Variants in LPO observed in about 807,000 individuals in gnomAD.
The protein encoded by LPO is salivary peroxidase.
In LPO, 70 loss-of-function variants were observed where a neutral mutation model predicts 68.4. That is an observed-to-expected ratio of 1.02 (90% CI 0.84 to 1.25). The LOEUF (loss-of-function observed/expected upper bound fraction) is 1.25, where lower values mean the gene tolerates loss of function less well. LPO is among the 50% of genes most tolerant of loss of function. The pLI, the probability that LPO is intolerant of heterozygous loss-of-function variation, is 0.00. For missense variants in LPO, 873 were observed against 908.4 expected, an observed-to-expected ratio of 0.96 and a Z score of 0.50; for synonymous variants, 360 against 357.6, an observed-to-expected ratio of 1.01 and a Z score of -0.08.
Position 58,267,809 on chromosome 17 carries a change from G to T in LPO, c.1954G>T (p.Val652Phe). Residue 652 changes from valine (V) to phenylalanine (F), a missense_variant, in exon 13 of 13, where the codon GTC (valine) becomes TTC (phenylalanine). Coordinates refer to ENST00000262290, the MANE Select transcript of LPO (RefSeq NM_006151.3). ...GDRFWWENPG[V>F]FTNEQKDSLQ... ...CAGGTTCTGGTGGGAAAACCCTGGGGTCTTCACGAACGAGCAGAAGGACTC... is the reference window on the plus strand; with the variant it reads ...CAGGTTCTGGTGGGAAAACCCTGGGTTCTTCACGAACGAGCAGAAGGACTC... The T allele has an allele frequency of 6.2e-7, 1 of 1,614,154 alleles. No homozygotes were observed.
At chr17:58,254,576 T>C in intron 8 of LPO, 1 of 414,556 alleles carries the variant, frequency 2.4e-6, no homozygotes, top group Non-Finnish European at 4.3e-6. Flanking sequence ...GGCTCAGAAG[T>C]GTTAAGTAAC....
chr17:58,266,169 G>C lies in LPO; in HGVS notation c.1536G>C (p.Leu512=), dbSNP rs755619970. The change falls in exon 11 of 13, where the codon CTG becomes CTC. Residue 512 remains leucine (L), a synonymous_variant. Coordinates refer to ENST00000262290, the MANE Select transcript of LPO (RefSeq NM_006151.3). The stretch of plus-strand genomic sequence containing the variant: ...CCTTGGCAGGTGGAATTGATCCTCT[G>C]GTGCGGGGCCTGCTGGCCAAGAAAT... ...RMVKDGGIDP[L]VRGLLAKKSK... is the part of the protein sequence containing the mutation. 5.0e-6 allele frequency: 8 copies of C among 1,614,036 alleles called. No homozygotes were observed. Among genetic ancestry groups the C allele is most frequent in the Non-Finnish European group, 5.9e-6 (7 of 1,179,984 alleles).
intron 3 of LPO, among the ~76,000 whole-genome samples, chr17:58,245,410 A>T (rs911798724): frequency 2.1e-4 from 32 of 152,118 alleles, no homozygotes; most frequent in Non-Finnish European, 3.8e-4. Context: ...TTTCAGAGAG[A>T]GATTCTGCTG....
intron 9 of LPO, among the ~76,000 whole-genome samples, chr17:58,258,770 A>C (rs1233030417): frequency 6.6e-6 from 1 of 152,126 alleles, no homozygotes; most frequent in East Asian, 1.9e-4. Flanking sequence ...ATCCTTTCTG[A>C]TAGGTGTGTA....
At chr17:58,262,831 G>C (rs1970199121) in intron 9 of LPO, among the ~76,000 whole-genome samples, 1 of 152,150 alleles carries the variant, frequency 6.6e-6, no homozygotes, top group Non-Finnish European at 1.5e-5. Context: ...TCCTGTTTGG[G>C]ATTCATTCAT....
At chr17:58,241,502 A>G (rs1047319075) in intron 1 of LPO, among the ~76,000 whole-genome samples, 4 of 152,190 alleles carry the variant, frequency 2.6e-5, no homozygotes, top group African/African-American at 4.8e-5. Flanking sequence ...GATTTCTGCT[A>G]ACTCAATGAA....
chr17:58,250,819 C>T (rs964667808), intron 7 of LPO, 198 bp downstream of exon 7: 3 of 599,810 alleles, frequency 5.0e-6, no homozygotes, highest in African/African-American at 3.7e-5. Context: ...AGGCAGTGCA[C>T]TAAGCGCTGA....
intron 1 of LPO, among the ~76,000 whole-genome samples, chr17:58,242,419 G>A (rs945495338): frequency 6.6e-6 from 1 of 152,212 alleles, no homozygotes; most frequent in African/African-American, 2.4e-5. Context: ...TTTCCGAAGG[G>A]AGGCGCTGAG....
intron 1 of LPO, 146 bp from the exon 2 acceptor site, chr17:58,242,832 T>C: frequency 1.5e-6 from 1 of 658,834 alleles, no homozygotes. Context: ...GTATGGTAGA[T>C]GCTTCATTCG....
chr17:58,240,733 C>T (rs1468909178), intron 1 of LPO, among the ~76,000 whole-genome samples: 3 of 152,148 alleles, frequency 2.0e-5, no homozygotes, highest in Non-Finnish European at 4.4e-5. Flanking sequence ...AATTTCTCAA[C>T]TTTCATGTCT....
intron 9 of LPO, among the ~76,000 whole-genome samples, chr17:58,257,257 C>A (rs1273418463): frequency 6.6e-6 from 1 of 152,024 alleles, no homozygotes; most frequent in Non-Finnish European, 1.5e-5. Context: ...TTGGTACCCA[C>A]CAACCATCTC....
At chr17:58,253,045 A>AAAAAAAAG (rs1969993727) in intron 8 of LPO, among the ~76,000 whole-genome samples, 1 of 145,644 alleles carries the variant, frequency 6.9e-6, no homozygotes, top group African/African-American at 2.5e-5. Context: ...AAAAAAAAAA[A>AAAAAAAAG]AAAGAAAGAA....
rs1352534911 is a variant in LPO, at chr17:58,254,957, G to A, written c.1252G>A (p.Gly418Arg). 2 of 1,613,820 alleles carry A rather than the reference G, an allele frequency of 1.2e-6. No individual in the cohort carries two copies. The highest frequency in any genetic ancestry group is 1.7e-5 in the Admixed American group (1 of 59,990). Reference protein sequence around the residue: ...KLYQEARKILGAFVQIITFRD... With the variant: ...KLYQEARKILRAFVQIITFRD... ...CTACCAGGAAGCCCGGAAAATCCTG[G>A]GAGCCTTCGTGCAGGTAGGGAGTCC... The change falls in exon 9 of 13, where the codon GGA becomes AGA. Residue 418 changes from glycine (G) to arginine (R), a missense_variant. Coordinates refer to ENST00000262290, the MANE Select transcript of LPO (RefSeq NM_006151.3).
Position 58,267,509 on chromosome 17 carries a change from G to C in LPO, c.1854G>C (p.Leu618=). 6.2e-7 allele frequency: 1 copy of C among 1,614,226 alleles called. No individual in the cohort carries two copies. Among genetic ancestry groups the C allele is most frequent in the Non-Finnish European group, 8.5e-7 (1 of 1,180,040 alleles). ...DIWIGAIAEP[L]VERGRVGPLL... is the part of the protein sequence containing the mutation. ...GGATAGGGGCCATTGCTGAGCCGCTGGTGGAAAGGGGTCGGGTGGGGCCTC... is the reference window on the plus strand; with the variant it reads ...GGATAGGGGCCATTGCTGAGCCGCTCGTGGAAAGGGGTCGGGTGGGGCCTC... The change falls in exon 12 of 13, where the codon CTG becomes CTC. Residue 618 remains leucine, a synonymous_variant. Transcript: ENST00000262290.
chr17:58,268,118 T>G lies in LPO; in HGVS notation c.*124T>G. 1.0e-6 allele frequency: 1 copy of G among 969,244 alleles called. No homozygotes were observed. Among genetic ancestry groups the G allele is most frequent in the Non-Finnish European group, 1.5e-6 (1 of 658,286 alleles). The allele number at this position is 969,244 out of a possible 1,614,324, so 60.0% of individuals were successfully genotyped here. On this transcript the variant is annotated 3_prime_UTR_variant, in exon 13 of 13. Transcript: ENST00000262290. ...CCTTCTTTGCAGCTGGGCCTCTCTATACCCCTGGATGAACAGCTTGCTCAG... is the reference window on the plus strand; with the variant it reads ...CCTTCTTTGCAGCTGGGCCTCTCTAGACCCCTGGATGAACAGCTTGCTCAG...
Position 58,249,149 on chromosome 17 carries a change from C to T in LPO, c.415C>T (p.Arg139Cys), listed in dbSNP as rs1352769519. 6.2e-7 allele frequency: 1 copy of T among 1,614,182 alleles called. No individual in the cohort carries two copies. The highest frequency in any genetic ancestry group is 2.2e-5 in the East Asian group (1 of 44,884). The change falls in exon 5 of 13, where the codon CGC becomes TGC. Residue 139 changes from arginine to cysteine, a missense_variant. By Grantham distance (180) the Arg-to-Cys change is radical (BLOSUM62 -3). Transcript: ENST00000262290. Reference sequence around the variant, plus strand: ...GAGATGCGACCCGTGCAGCCCTTACCGCACCATTACGGGAGACTGCAATAA... The same window carrying T: ...GAGATGCGACCCGTGCAGCCCTTACTGCACCATTACGGGAGACTGCAATAA... ...VVRCDPCSPY[R>C]TITGDCNNRR...
intron 1 of LPO, among the ~76,000 whole-genome samples, chr17:58,241,130 T>TC (rs1567815195): frequency 8.3e-6 from 1 of 120,954 alleles, no homozygotes; most frequent in African/African-American, 3.6e-5. Context: ...TTTTTCTTTT[T>TC]TTTTTTTTTT....
chr17:58,255,807 C>G (rs1970059518), intron 9 of LPO, among the ~76,000 whole-genome samples: 1 of 152,140 alleles, frequency 6.6e-6, no homozygotes, highest in Non-Finnish European at 1.5e-5. Context: ...CTGGCAAAAC[C>G]AGGAAGTTAA....
intron 1 of LPO, among the ~76,000 whole-genome samples, chr17:58,240,677 A>G (rs1969738200): frequency 6.6e-6 from 1 of 152,218 alleles, no homozygotes; most frequent in African/African-American, 2.4e-5. Flanking sequence ...GGGGTCCTAA[A>G]GAAGAGGAGA....
Sources: gnomAD v4.1 joint callset for allele counts (sites outside exome capture counted in the v4.1 genomes callset) on GRCh38, gnomAD v4.1.1 for gene constraint, MANE v1.5 for transcripts, NCBI Gene and HGNC (gene_info 2026-07-23, HGNC 2026-07-21) for gene names.